KATNAL2: variants seen among roughly 807,000 people sequenced by gnomAD.
KATNAL2 encodes katanin p60 ATPase-containing subunit A-like 2.
Under a neutral mutation model 76.3 loss-of-function variants are expected in KATNAL2, and 52 were observed. The ratio of observed to expected loss-of-function variants is 0.68; its 90% CI spans 0.55 to 0.86. The LOEUF is 0.86. Among genes scored for constraint, KATNAL2 ranks in the 40% least tolerant of loss-of-function variants. The pLI is 0.00. For synonymous variants in KATNAL2, 243 were observed against 244.2 expected (o/e 1.00, Z 0.05); for missense variants, 660 against 668.9 (o/e 0.99, Z 0.15).
intron 15 of KATNAL2, chr18:47,084,469 G>A (rs1423584427): frequency 8.6e-6 from 6 of 698,028 alleles, no homozygotes; most frequent in Non-Finnish European, 1.6e-5. Context: ...CAAAAAATGA[G>A]ATCTAGTGGC....
chr18:47,038,195 G>A (rs1424288723), intron 3 of KATNAL2, among the ~76,000 whole-genome samples: 1 of 152,182 alleles, frequency 6.6e-6, no homozygotes, highest in Admixed American at 6.5e-5. Flanking sequence ...TCTTTCAAAA[G>A]TATGATCAAC....
intron 3 of KATNAL2, chr18:47,034,183 A>G (rs1230069843): frequency 6.2e-7 from 1 of 1,614,106 alleles, no homozygotes; most frequent in Admixed American, 1.7e-5. Flanking sequence ...GAGGGAGCTC[A>G]CGGACGTTCT....
At chr18:47,032,925 A>T (rs1299546077) in intron 3 of KATNAL2, 11 of 1,609,776 alleles carry the variant, frequency 6.8e-6, no homozygotes, top group Middle Eastern at 2.1e-4. Flanking sequence ...GTCCATTGGA[A>T]GTTTCGTTCC....
intron 4 of KATNAL2, among the ~76,000 whole-genome samples, chr18:47,051,914 G>A (rs930752440): frequency 4.6e-5 from 7 of 152,174 alleles, no homozygotes; most frequent in Admixed American, 1.3e-4. Context: ...AAGAAAGAAA[G>A]AGAGAGAAGA....
chr18:46,923,018 C>CT (rs1250220143), intron 1 of KATNAL2, among the ~76,000 whole-genome samples: 11,080 of 137,834 alleles, frequency 0.08, 448 homozygotes, highest in African/African-American at 0.1. Context: ...ACATACAGAA[C>CT]TTTTTTTTTT....
intron 15 of KATNAL2, among the ~76,000 whole-genome samples, chr18:47,092,172 A>C (rs1353290719): frequency 1.3e-5 from 2 of 152,146 alleles, no homozygotes; most frequent in African/African-American, 4.8e-5. Context: ...CTGAATTCCT[A>C]AAATATAAAT....
intron 3 of KATNAL2, among the ~76,000 whole-genome samples, chr18:47,032,172 G>A (rs936058205): frequency 6.6e-6 from 1 of 152,250 alleles, no homozygotes; most frequent in Non-Finnish European, 1.5e-5. Flanking sequence ...TGTTACTTAG[G>A]GAAACTATTT....
chr18:47,100,428 T>TGGCACCAAGAACA, intron 17 of KATNAL2, 72 bp downstream of exon 17: 1 of 1,270,690 alleles, frequency 7.9e-7, no homozygotes, highest in Non-Finnish European at 1.1e-6. Context: ...AGATGGAGCC[T>TGGCACCAAGAACA]GGCGCCTGTT....
chr18:47,034,293 G>C (rs1343862628), intron 3 of KATNAL2: 1 of 1,613,610 alleles, frequency 6.2e-7, no homozygotes, highest in East Asian at 2.2e-5. Context: ...CATTTCCTGG[G>C]TCCCGGCCGT....
chr18:47,046,921 GC>G (rs2061177192), intron 4 of KATNAL2, among the ~76,000 whole-genome samples: 1 of 151,990 alleles, frequency 6.6e-6, no homozygotes, highest in African/African-American at 2.4e-5. Context: ...TCCTCCTCCT[GC>G]CCCAACAACC....
chr18:46,955,085 CCCTCCCTT>C (rs1271210315), intron 3 of KATNAL2, among the ~76,000 whole-genome samples: 19 of 129,062 alleles, frequency 1.5e-4, no homozygotes, highest in Admixed American at 3.8e-4. Context: ...TTTCCTTCCT[CCCTCCCTT>C]CCTCCCTCCC....
intron 3 of KATNAL2, chr18:47,035,331 G>T (rs567473315): frequency 2.5e-6 from 4 of 1,606,208 alleles, no homozygotes; most frequent in African/African-American, 2.7e-5. Context: ...CTGCGGGACA[G>T]GAAGTCTGGG....
At chr18:46,939,604 T>G (rs948309609) in intron 1 of KATNAL2, among the ~76,000 whole-genome samples, 9 of 152,168 alleles carry the variant, frequency 5.9e-5, no homozygotes, top group Non-Finnish European at 2.9e-5. Context: ...TATTCATATC[T>G]GAGATCTTGC....
intron 5 of KATNAL2, among the ~76,000 whole-genome samples, chr18:47,053,567 G>A (rs1223888792): frequency 5.9e-5 from 9 of 152,222 alleles, no homozygotes; most frequent in Admixed American, 1.3e-4. Context: ...CTGGAGGAAA[G>A]ATCTAAAGTG....
At chr18:47,071,950 C>CTTTTTT (rs1569113939) in intron 13 of KATNAL2, among the ~76,000 whole-genome samples, 2 of 39,228 alleles carry the variant, frequency 5.1e-5, no homozygotes, top group African/African-American at 9.5e-5. Flanking sequence ...CTCCCAATTT[C>CTTTTTT]TTCTTTTTTT....
At chr18:47,076,278 C>G (rs777320892) in intron 14 of KATNAL2, 4 of 152,156 alleles carry the variant, frequency 2.6e-5, no homozygotes, top group African/African-American at 4.8e-5. Context: ...AAGATGTACC[C>G]AAGTAATATA....
chr18:47,054,680 A>G (rs2061423634), intron 6 of KATNAL2: 1 of 468,506 alleles, frequency 2.1e-6, no homozygotes, highest in Non-Finnish European at 3.8e-6. Flanking sequence ...TTTCCAGGCC[A>G]TGTGGTATGA....
chr18:47,086,402 T>C (rs1215451831), intron 15 of KATNAL2, among the ~76,000 whole-genome samples: 5 of 152,106 alleles, frequency 3.3e-5, no homozygotes, highest in Admixed American at 3.3e-4. Context: ...CCACAACCTC[T>C]GCCTCCCGGG....
intron 11 of KATNAL2, 32 bp downstream of exon 11, chr18:47,067,151 C>T (rs1370853694): frequency 8.8e-7 from 1 of 1,132,934 alleles, no homozygotes; most frequent in East Asian, 2.4e-5. Flanking sequence ...GGGGTTATTT[C>T]TGTTCACTAT....
Sources: allele counts gnomAD v4.1 joint callset (sites outside exome capture counted in the v4.1 genomes callset), GRCh38; gene constraint gnomAD v4.1.1; transcripts MANE v1.5; gene names NCBI Gene and HGNC (gene_info 2026-07-23, HGNC 2026-07-21).